The following FGD3 variants were observed in gnomAD, a reference collection of about 807,000 sequenced individuals.
FGD3 encodes the protein FYVE, RhoGEF and PH domain containing 3.
A neutral mutation model predicts 71.8 loss-of-function variants in FGD3; 45 were observed. The observed-to-expected ratio is 0.63, with a 90% CI of 0.49 to 0.80. The LOEUF (loss-of-function observed/expected upper bound fraction) is 0.80, where lower values mean the gene tolerates loss of function less well. FGD3 is among the 30% of genes least tolerant of loss of function. FGD3 has a pLI of 0.00. For missense variants in FGD3, 844 were observed against 951.5 expected (o/e 0.89, Z 1.49); for synonymous variants, 378 against 392.8 (o/e 0.96, Z 0.44).
At chr9:93,015,599 G>T (rs368808617) in intron 9 of FGD3, 138 bp from the exon 10 acceptor site, 158 of 580,342 alleles carry the variant, frequency 2.7e-4, no homozygotes, top group African/African-American at 2.6e-3. Flanking sequence ...TAAAATTACT[G>T]CACATATCTT....
intron 1 of FGD3, among the ~76,000 whole-genome samples, chr9:92,949,926 A>G (rs1274179724): frequency 6.6e-6 from 1 of 152,136 alleles, no homozygotes; most frequent in African/African-American, 2.4e-5. Flanking sequence ...ACAGCTGACC[A>G]ACTAACCAAC....
At position 93,010,260 on chromosome 9, in the gene FGD3, C is replaced by A; in HGVS notation, c.852C>A (p.Cys284Ter). ...TGTCCCCACAGAAGCAGGAGGTATGCGGGAACCTGACGCTGCAGCACCACA... is the reference window on the plus strand; with the variant it reads ...TGTCCCCACAGAAGCAGGAGGTATGAGGGAACCTGACGCTGCAGCACCACA... ...VVHSIQKQEV[C>*]GNLTLQHHML... Residue 284 changes from cysteine (C) to a stop codon, truncating the protein, a stop_gained, in exon 7 of 18, where the codon TGC (cysteine) becomes TGA (stop). Coordinates refer to ENST00000375482, the MANE Select transcript of FGD3 (RefSeq NM_001083536.2). LOFTEE classifies it high-confidence loss of function. The A allele has an allele frequency of 6.2e-7, 1 of 1,609,776 alleles. No homozygotes were observed. The highest frequency in any genetic ancestry group is 8.5e-7 in the Non-Finnish European group (1 of 1,176,868).
At chr9:93,020,856 C>T (rs1861891019) in intron 13 of FGD3, among the ~76,000 whole-genome samples, 1 of 152,262 alleles carries the variant, frequency 6.6e-6, no homozygotes, top group African/African-American at 2.4e-5. Context: ...TTCACCCCTA[C>T]CCACCCTCCA....
rs550494693 is a variant in FGD3, at chr9:92,987,468, A to G, written c.453+10759A>G. Reference sequence around the variant, plus strand: ...AAAGAAAGAAAGAAAAAAAAGAAAAAGCAGAGGAAACAACAGACATTGCAT... The same window carrying G: ...AAAGAAAGAAAGAAAAAAAAGAAAAGGCAGAGGAAACAACAGACATTGCAT... On this transcript the variant is annotated intron_variant, in intron 3 of 17. Transcript: ENST00000375482. Among the ~76,000 whole-genome samples, 6 of 151,824 alleles carry G rather than the reference A, an allele frequency of 4.0e-5. No individual in the cohort carries two copies. In the South Asian group the frequency reaches 1.0e-3, roughly 26 times the overall value.
chr9:93,029,984 G>A lies in FGD3; in HGVS notation c.1668G>A (p.Lys556=). 1.2e-6 allele frequency: 2 copies of A among 1,612,576 alleles called. No homozygotes were observed. Among genetic ancestry groups the A allele is most frequent in the South Asian group, 2.2e-5 (2 of 91,032 alleles). ...TCACCAAGAGGAGGCATCACTGCAAGCTGTGTGGGGCGGTGAGTCCCGGGA... is the reference window on the plus strand; with the variant it reads ...TCACCAAGAGGAGGCATCACTGCAAACTGTGTGGGGCGGTGAGTCCCGGGA... ...NSITKRRHHC[K]LCGAVICGKC... The change falls in exon 15 of 18, where the codon AAG becomes AAA. Residue 556 remains lysine (K), a synonymous_variant. Coordinates refer to ENST00000375482, the MANE Select transcript of FGD3 (RefSeq NM_001083536.2).
chr9:93,003,120 C>A lies in FGD3; in HGVS notation c.543+106C>A. On this transcript the variant is annotated intron_variant, in intron 4 of 17. Transcript: ENST00000375482. This position sits in a 1 kb window ranked among gnomAD's most constrained non-coding sequence, Gnocchi z 4.1. ...TACTAAAACTCAGACAAATTTAAGT[C>A]TGGTCTACAAACTTTTTTTTTTTTT... The A allele has an allele frequency of 5.5e-6, 6 of 1,090,246 alleles. No homozygotes were observed. The highest frequency in any genetic ancestry group is 1.4e-5 in the South Asian group (1 of 70,390). 67.5% of individuals were successfully genotyped at this position (1,090,246 alleles called of 1,614,324 possible). A position where few individuals can be genotyped will look rare whatever the true frequency, so the allele number is the denominator to read the frequency against.
chr9:92,969,684 C>T lies in FGD3; in HGVS notation c.-217-5554C>T, dbSNP rs905702795. Among the ~76,000 whole-genome samples, 7 of 152,204 alleles carry T rather than the reference C, an allele frequency of 4.6e-5. No individual in the cohort carries two copies. Among genetic ancestry groups the T allele is most frequent in the Admixed American group, 2.6e-4 (4 of 15,282 alleles). On this transcript the variant is annotated intron_variant, in intron 1 of 17. Transcript: ENST00000375482. The surrounding 1 kb of genome is among the most constrained non-coding windows in gnomAD (Gnocchi z 4.5). ...TTTCAGATGGGGGGGGACTCCCGCA[C>T]GGCCTCCCGGGAAGGGACATCTGGT...
At chr9:93,025,300 C>A (rs1862076614) in intron 14 of FGD3, among the ~76,000 whole-genome samples, 1 of 152,216 alleles carries the variant, frequency 6.6e-6, no homozygotes, top group South Asian at 2.1e-4. Flanking sequence ...GGGCCCACGA[C>A]AGACCACCAA....
chr9:93,006,968 C>G (rs1861085260), intron 6 of FGD3, among the ~76,000 whole-genome samples: 1 of 152,002 alleles, frequency 6.6e-6, no homozygotes, highest in Non-Finnish European at 1.5e-5. Flanking sequence ...ACCTCATGAT[C>G]CGCCCTCCTT....
chr9:93,028,762 G>C (rs1319817071), intron 14 of FGD3, among the ~76,000 whole-genome samples: 1 of 152,158 alleles, frequency 6.6e-6, no homozygotes, highest in Non-Finnish European at 1.5e-5. Flanking sequence ...GAAAGGAGAG[G>C]TGAGTCATCC....
chr9:92,959,625 C>G lies in FGD3; in HGVS notation c.-218+11896C>G, dbSNP rs7032142. On this transcript the variant is annotated intron_variant, in intron 1 of 17. Transcript: ENST00000375482. ...AGGAGGCTGAGATGGGAGGATCCCT[C>G]GAGCACAGGAGGTCGAGGCTACAGT... Among the ~76,000 whole-genome samples, 471 of 143,442 alleles carry G rather than the reference C, an allele frequency of 3.3e-3. 3 individuals carry two copies. Among genetic ancestry groups the G allele is most frequent in the African/African-American group, 0.012 (441 of 38,134 alleles). The allele number at this position is 143,442 out of a possible 152,430, so 94.1% of individuals were successfully genotyped here.
At chr9:92,966,293 C>T (rs551602307) in intron 1 of FGD3, among the ~76,000 whole-genome samples, 1 of 152,160 alleles carries the variant, frequency 6.6e-6, no homozygotes, top group South Asian at 2.1e-4. Flanking sequence ...GGTCTGGGGA[C>T]AAGCTGCCTG....
chr9:93,005,381 C>T (rs1587846263), intron 5 of FGD3, among the ~76,000 whole-genome samples: 1 of 152,172 alleles, frequency 6.6e-6, no homozygotes, highest in African/African-American at 2.4e-5. Context: ...CCCATCTCAG[C>T]CTCCCAAGTG....
rs867277028 is a variant in FGD3, at chr9:93,029,013, T to G, written c.1558-861T>G. Reference sequence around the variant, plus strand: ...CCTCACAGTTTTTTTTTTTTTTTTTTTTTTTTTTTTTTTTTTTTTTTTTTG... The same window carrying G: ...CCTCACAGTTTTTTTTTTTTTTTTTGTTTTTTTTTTTTTTTTTTTTTTTTG... On this transcript the variant is annotated intron_variant, in intron 14 of 17. Coordinates refer to ENST00000375482, the MANE Select transcript of FGD3 (RefSeq NM_001083536.2). Among the ~76,000 whole-genome samples, 602 of 121,352 alleles carry G rather than the reference T, an allele frequency of 5.0e-3. 6 individuals are homozygous for G. The highest frequency in any genetic ancestry group is 0.019 in the African/African-American group (573 of 30,074). The allele number at this position is 121,352 out of a possible 152,430, so 79.6% of individuals were successfully genotyped here. A position where few individuals can be genotyped will look rare whatever the true frequency, so the allele number is the denominator to read the frequency against.
chr9:93,020,999 C>T (rs985035840), intron 13 of FGD3, among the ~76,000 whole-genome samples: 1 of 152,194 alleles, frequency 6.6e-6, no homozygotes, highest in African/African-American at 2.4e-5. Context: ...TGCACAGCAT[C>T]CTACACACAA....
chr9:92,954,491 G>A (rs1013673451), intron 1 of FGD3, among the ~76,000 whole-genome samples: 1 of 152,160 alleles, frequency 6.6e-6, no homozygotes, highest in Admixed American at 6.6e-5. Flanking sequence ...TCCTGTGCCC[G>A]TGTGGCCCAA....
intron 15 of FGD3, among the ~76,000 whole-genome samples, chr9:93,030,718 CAG>C (rs755189081): frequency 0.045 from 4,019 of 88,698 alleles, 87 homozygotes; most frequent in Middle Eastern, 0.089. Context: ...GGGGGGGCAG[CAG>C]GGGGGGGGGA....
intron 7 of FGD3, among the ~76,000 whole-genome samples, 153 bp downstream of exon 7, chr9:93,010,537 G>GA (rs1276362660): frequency 7.4e-4 from 112 of 151,928 alleles, no homozygotes; most frequent in African/African-American, 2.5e-3. Flanking sequence ...GACAGAGGCA[G>GA]GGGAGGGAGA....
chr9:93,027,726 T>A (rs1249425958), intron 14 of FGD3, among the ~76,000 whole-genome samples: 1 of 144,008 alleles, frequency 6.9e-6, no homozygotes, highest in African/African-American at 2.6e-5. Flanking sequence ...TTTTTTTTTT[T>A]TTTTTTTTTT....
Sources: allele counts gnomAD v4.1 joint callset (sites outside exome capture counted in the v4.1 genomes callset), GRCh38; gene constraint gnomAD v4.1.1; non-coding constraint Gnocchi (gnomAD v3.1); transcripts MANE v1.5; gene names NCBI Gene and HGNC (gene_info 2026-07-23, HGNC 2026-07-21).